Variants in GNA14 observed in about 807,000 individuals in gnomAD.
GNA14 encodes the protein guanine nucleotide-binding protein subunit alpha-14.
GNA14 carries 50 observed loss-of-function variants against 42.0 expected under a neutral mutation model. The ratio of observed to expected loss-of-function variants is 1.19; its 90% CI spans 0.95 to 1.51. The LOEUF is 1.51. Among genes scored for constraint, GNA14 ranks in the 40% most tolerant of loss-of-function variants. The pLI is 0.00. For synonymous variants in GNA14, 173 were observed against 163.1 expected (o/e 1.06, Z -0.46); for missense variants, 473 against 446.2 (o/e 1.06, Z -0.54).
At chr9:77,497,964 C>T (rs954241648) in intron 2 of GNA14, among the ~76,000 whole-genome samples, 8 of 152,250 alleles carry the variant, frequency 5.3e-5, no homozygotes, top group Admixed American at 4.6e-4. Flanking sequence ...TGACTGAGTC[C>T]TCAGCCTCTA....
At chr9:77,462,779 G>A (rs1190724524) in intron 2 of GNA14, among the ~76,000 whole-genome samples, 4 of 151,720 alleles carry the variant, frequency 2.6e-5, no homozygotes, top group Non-Finnish European at 5.9e-5. Flanking sequence ...TCTGCCCCTC[G>A]ATCCCTGACT....
At chr9:77,639,872 C>T (rs1052751978) in intron 1 of GNA14, among the ~76,000 whole-genome samples, 2 of 152,234 alleles carry the variant, frequency 1.3e-5, no homozygotes, top group Non-Finnish European at 2.9e-5. Flanking sequence ...AGCCAATCTT[C>T]ATAATGAATG....
At chr9:77,539,812 T>C (rs1221034223) in intron 1 of GNA14, among the ~76,000 whole-genome samples, 1 of 152,214 alleles carries the variant, frequency 6.6e-6, no homozygotes, top group Admixed American at 6.5e-5. Context: ...TTGTTCATAA[T>C]AATCTCTGAT....
At chr9:77,430,161 T>C (rs1835521347) in intron 4 of GNA14, among the ~76,000 whole-genome samples, 1 of 152,162 alleles carries the variant, frequency 6.6e-6, no homozygotes, top group African/African-American at 2.4e-5. Flanking sequence ...TGTCAAAAGG[T>C]TGAGCTTGAA....
intron 1 of GNA14, among the ~76,000 whole-genome samples, chr9:77,547,952 A>G (rs1157781965): frequency 2.6e-5 from 4 of 152,198 alleles, no homozygotes; most frequent in African/African-American, 7.2e-5. Context: ...GAAGAAGCAA[A>G]TGCAATGGTT....
At chr9:77,569,326 T>C (rs979326980) in intron 1 of GNA14, among the ~76,000 whole-genome samples, 2 of 152,048 alleles carry the variant, frequency 1.3e-5, no homozygotes. Context: ...CACAGCAGTA[T>C]AGGCAGAGAG....
intron 1 of GNA14, among the ~76,000 whole-genome samples, chr9:77,625,101 G>A (rs904471980): frequency 2.0e-5 from 3 of 151,650 alleles, no homozygotes; most frequent in African/African-American, 7.3e-5. Context: ...CAAGAACTTC[G>A]TGAAGCATAC....
intron 1 of GNA14, among the ~76,000 whole-genome samples, chr9:77,627,930 T>C (rs144229616): frequency 9.9e-5 from 15 of 152,250 alleles, no homozygotes; most frequent in African/African-American, 3.6e-4. Context: ...GGTATTCAAA[T>C]AGGAAGACAG....
intron 1 of GNA14, among the ~76,000 whole-genome samples, chr9:77,563,874 G>C (rs753338081): frequency 6.6e-6 from 1 of 152,274 alleles, no homozygotes; most frequent in Middle Eastern, 3.4e-3. Context: ...TTACATGTTT[G>C]TTTGTCAGAG....
chr9:77,605,125 T>G (rs1823628022), intron 1 of GNA14, among the ~76,000 whole-genome samples: 1 of 152,206 alleles, frequency 6.6e-6, no homozygotes, highest in Non-Finnish European at 1.5e-5. Context: ...CATGAACTTT[T>G]TCGTTAAAAG....
chr9:77,568,113 A>T (rs1822999423), intron 1 of GNA14, among the ~76,000 whole-genome samples: 2 of 152,252 alleles, frequency 1.3e-5, no homozygotes, highest in South Asian at 4.1e-4. Flanking sequence ...TGCAGCTCCC[A>T]GAGCAGGTCC....
chr9:77,548,450 A>C (rs1236966398), intron 1 of GNA14, among the ~76,000 whole-genome samples: 1 of 152,164 alleles, frequency 6.6e-6, no homozygotes, highest in Admixed American at 6.6e-5. Flanking sequence ...CACGAATTGG[A>C]GTGGGGGCGC....
At chr9:77,581,517 T>C (rs1823223517) in intron 1 of GNA14, among the ~76,000 whole-genome samples, 1 of 152,184 alleles carries the variant, frequency 6.6e-6, no homozygotes, top group Non-Finnish European at 1.5e-5. Flanking sequence ...CTGCCACACA[T>C]GATTGCCCTG....
chr9:77,476,928 G>A (rs1318937150), intron 2 of GNA14, among the ~76,000 whole-genome samples: 1 of 152,196 alleles, frequency 6.6e-6, no homozygotes, highest in Non-Finnish European at 1.5e-5. Flanking sequence ...GGTTGGCTCA[G>A]GGAAAGACTG....
At chr9:77,515,428 G>A (rs908296013) in intron 2 of GNA14, among the ~76,000 whole-genome samples, 4 of 152,232 alleles carry the variant, frequency 2.6e-5, no homozygotes, top group African/African-American at 9.6e-5. Flanking sequence ...TGAGCATGCG[G>A]CAGAGCCGGG....
chr9:77,544,568 T>G (rs562589748), intron 1 of GNA14, among the ~76,000 whole-genome samples: 5 of 149,534 alleles, frequency 3.3e-5, no homozygotes, highest in African/African-American at 1.2e-4. Flanking sequence ...CCAGGCATGG[T>G]AGCATGTGCC....
chr9:77,505,636 C>A (rs1471857747), intron 2 of GNA14, among the ~76,000 whole-genome samples: 2 of 152,170 alleles, frequency 1.3e-5, no homozygotes, highest in Non-Finnish European at 2.9e-5. Flanking sequence ...GAGTCGCATG[C>A]TGTTTGCTAG....
At chr9:77,471,947 G>A (rs2131721637) in intron 2 of GNA14, among the ~76,000 whole-genome samples, 1 of 152,290 alleles carries the variant, frequency 6.6e-6, no homozygotes, top group South Asian at 2.1e-4. Flanking sequence ...TAAGTAAGAA[G>A]CAGCCTATTG....
intron 1 of GNA14, among the ~76,000 whole-genome samples, chr9:77,544,555 T>A (rs1171771800): frequency 1.3e-5 from 2 of 150,748 alleles, no homozygotes; most frequent in African/African-American, 4.9e-5. Flanking sequence ...ATACAAAAAT[T>A]AGCCAGGCAT....
Sources: allele counts gnomAD v4.1 joint callset (sites outside exome capture counted in the v4.1 genomes callset), GRCh38; gene constraint gnomAD v4.1.1; transcripts MANE v1.5; gene names NCBI Gene and HGNC (gene_info 2026-07-23, HGNC 2026-07-21).